PRH1: variants seen among roughly 807,000 people sequenced by gnomAD.
PRH1 encodes salivary acidic proline-rich phosphoprotein 1/2.
Under a neutral mutation model 7.9 loss-of-function variants are expected in PRH1, and 7 were observed. The observed-to-expected ratio is 0.89, with a 90% CI of 0.50 to 1.67. PRH1 has a LOEUF of 1.67. Ranked by LOEUF, PRH1 falls within the 40% of genes most tolerant of loss-of-function variation. The probability of loss-of-function intolerance (pLI) is 0.00; values close to 1 mark genes in which losing one functional copy is unlikely to be tolerated. For missense variants in PRH1, 109 were observed against 223.6 expected, an observed-to-expected ratio of 0.49 and a Z score of 3.27; for synonymous variants, 45 against 80.8, an observed-to-expected ratio of 0.56 and a Z score of 2.38.
chr12:11,037,329 C>T (rs1350863908), intron 1 of PRH1, among the ~76,000 whole-genome samples: 4 of 152,202 alleles, frequency 2.6e-5, no homozygotes, highest in Non-Finnish European at 4.4e-5. Flanking sequence ...TATATATGCA[C>T]AAACATACTC....
intron 1 of PRH1, among the ~76,000 whole-genome samples, chr12:11,058,277 G>C (rs1188526179): frequency 6.6e-6 from 1 of 152,066 alleles, no homozygotes; most frequent in Non-Finnish European, 1.5e-5. Flanking sequence ...AACAGGAAGA[G>C]GCAAGATTCT....
chr12:11,162,147 A>T (rs1423535139), intron 1 of PRH1, among the ~76,000 whole-genome samples: 2 of 152,204 alleles, frequency 1.3e-5, no homozygotes, highest in South Asian at 4.1e-4. Flanking sequence ...AATGAAGAAC[A>T]TCCAGAGGGT....
chr12:11,121,081 G>C (rs923080475), exon 2 of PRH1: 7 of 153,212 alleles, frequency 4.6e-5, no homozygotes, highest in African/African-American at 1.7e-4. Flanking sequence ...TTAGTAAACT[G>C]TATGTCTCAG....
chr12:11,069,870 G>A (rs190131842), intron 1 of PRH1, among the ~76,000 whole-genome samples: 2 of 152,308 alleles, frequency 1.3e-5, no homozygotes, highest in Admixed American at 1.3e-4. Context: ...AAGTCCCCTT[G>A]ATAACAGATG....
intron 1 of PRH1, among the ~76,000 whole-genome samples, chr12:11,027,559 G>A (rs1043518410): frequency 6.6e-6 from 1 of 152,204 alleles, no homozygotes; most frequent in African/African-American, 2.4e-5. Flanking sequence ...TTGGGATTTT[G>A]GAGACAACAT....
chr12:10,886,874 T>C (rs942083048), upstream of PRH1, among the ~76,000 whole-genome samples: 10 of 152,192 alleles, frequency 6.6e-5, no homozygotes, highest in Non-Finnish European at 1.2e-4. Flanking sequence ...TGATCTTTAC[T>C]AGAAGGTGAT....
chr12:10,957,309 T>G (rs1335589002), intron 2 of PRH1, among the ~76,000 whole-genome samples: 1 of 151,932 alleles, frequency 6.6e-6, no homozygotes, highest in Non-Finnish European at 1.5e-5. Context: ...AAACAAGCCA[T>G]GAGGAGAGAC....
chr12:11,087,612 C>T (rs74640977), intron 1 of PRH1, among the ~76,000 whole-genome samples: 108 of 102,518 alleles, frequency 1.1e-3, no homozygotes, highest in Middle Eastern at 4.5e-3. Context: ...TTCTCCTCTA[C>T]TGGCAACACA....
chr12:11,134,085 A>G (rs1036823157), intron 1 of PRH1: 46 of 1,614,042 alleles, frequency 2.8e-5, no homozygotes, highest in Non-Finnish European at 3.3e-5. Flanking sequence ...CCAACTCTGG[A>G]GACCGCCAGA....
At chr12:11,071,516 A>C (rs1245256205) in intron 1 of PRH1, among the ~76,000 whole-genome samples, 1 of 152,204 alleles carries the variant, frequency 6.6e-6, no homozygotes, top group East Asian at 1.9e-4. Context: ...AGAGTAGTTT[A>C]TCTAAAGAGC....
chr12:11,057,120 C>A (rs2136168655), intron 1 of PRH1, among the ~76,000 whole-genome samples: 1 of 152,238 alleles, frequency 6.6e-6, no homozygotes, highest in African/African-American at 2.4e-5. Context: ...AATCCTCCTG[C>A]CTCAGTTTCC....
intron 1 of PRH1, among the ~76,000 whole-genome samples, chr12:11,152,626 A>AT (rs2136431369): frequency 6.6e-6 from 1 of 152,194 alleles, no homozygotes; most frequent in East Asian, 1.9e-4. Context: ...AGTAGATTGG[A>AT]TTTTTAGCCC....
At chr12:10,965,575 C>T (rs373062065) in intron 2 of PRH1, among the ~76,000 whole-genome samples, 1 of 152,182 alleles carries the variant, frequency 6.6e-6, no homozygotes, top group Non-Finnish European at 1.5e-5. Flanking sequence ...TTTCAAACAG[C>T]TCAACTTAAT....
chr12:11,049,600 T>A (rs573097086), upstream of PRH1, among the ~76,000 whole-genome samples: 11 of 152,358 alleles, frequency 7.2e-5, no homozygotes, highest in Admixed American at 3.9e-4. Context: ...AGGCATTTTT[T>A]TAATTGTTTT....
In PRH1 at chr12:11,041,361, C is replaced by T. The variant is rs796418062; in HGVS notation, c.-126+5659G>A. Reference sequence around the variant, plus strand: ...ATATTAGACAAAATAGTTTTCAAGACAAAAACTATGAGGACATAAAGAAGG... The same window carrying T: ...ATATTAGACAAAATAGTTTTCAAGATAAAAACTATGAGGACATAAAGAAGG... On this transcript the variant is annotated intron_variant, in intron 1 of 3. Coordinates refer to the PRH1 transcript ENST00000539853. Among the ~76,000 whole-genome samples the T allele has an allele frequency of 3.6e-4, 51 of 140,294 alleles. 1 individual carries two copies. Among genetic ancestry groups the T allele is most frequent in the African/African-American group, 1.4e-3 (51 of 36,996 alleles). The allele number at this position is 140,294 out of a possible 152,430, so 92.0% of individuals were successfully genotyped here. A position where few individuals can be genotyped will look rare whatever the true frequency, so the allele number is the denominator to read the frequency against.
intron 1 of PRH1, among the ~76,000 whole-genome samples, chr12:11,124,340 A>T (rs1050267047): frequency 6.7e-6 from 1 of 150,140 alleles, no homozygotes; most frequent in Non-Finnish European, 1.5e-5. Flanking sequence ...GAAATAGAGA[A>T]GATGTGGGGG....
chr12:10,986,481 C>T (rs11054133), intron 1 of PRH1: 4 of 1,613,916 alleles, frequency 2.5e-6, no homozygotes, highest in African/African-American at 2.7e-5. Flanking sequence ...CAGAATGACA[C>T]TCCTAACTCT....
rs1207706016 is a variant in PRH1, at chr12:11,096,815, T to C, written n.124-49627A>G. ...TTTTTTTGTTGTTGTTGTTGTTGTT[T>C]TTGAGACGGAGTCTCGTTGTCTCCC... On this transcript the variant is annotated intron_variant and non_coding_transcript_variant, in intron 1 of 4. Coordinates refer to the PRH1 transcript ENST00000541977. 3.5e-5 allele frequency among the ~76,000 whole-genome samples: 4 copies of C among 115,428 alleles called. 1 individual carries two copies. Among genetic ancestry groups the C allele is most frequent in the Non-Finnish European group, 8.2e-5 (4 of 48,866 alleles). The allele number at this position is 115,428 out of a possible 152,430, so 75.7% of individuals were successfully genotyped here. A position where few individuals can be genotyped will look rare whatever the true frequency, so the allele number is the denominator to read the frequency against.
chr12:10,971,067 G>A lies in PRH1; in HGVS notation c.-59+2588C>T, dbSNP rs1482346077. ...AGACAGAAAGCAACAAAACCTAAAA[G>A]CACAGTAAGAGAAAAAGTTATAACT... On this transcript the variant is annotated intron_variant, in intron 2 of 3. Coordinates refer to the PRH1 transcript ENST00000539853. Among the ~76,000 whole-genome samples, 6 of 137,340 alleles carry A rather than the reference G, an allele frequency of 4.4e-5. No individual in the cohort carries two copies. The South Asian group carries it at 1.4e-3, about 33-fold the overall frequency. 90.1% of individuals were successfully genotyped at this position (137,340 alleles called of 152,430 possible).
Sources: gnomAD v4.1 joint callset for allele counts (sites outside exome capture counted in the v4.1 genomes callset) on GRCh38, gnomAD v4.1.1 for gene constraint, MANE v1.5 for transcripts, NCBI Gene and HGNC (gene_info 2026-07-23, HGNC 2026-07-21) for gene names.